PDE9A: variants seen among roughly 807,000 people sequenced by gnomAD.
The protein encoded by PDE9A is high affinity cGMP-specific 3',5'-cyclic phosphodiesterase 9A.
A neutral mutation model predicts 87.4 loss-of-function variants in PDE9A; 60 were observed. The observed-to-expected ratio is 0.69, with a 90% CI of 0.56 to 0.85. The LOEUF (loss-of-function observed/expected upper bound fraction) is 0.85. Among genes scored for constraint, PDE9A ranks in the 40% least tolerant of loss-of-function variants. PDE9A has a pLI of 0.00. For synonymous variants in PDE9A, 272 were observed against 279.4 expected (o/e 0.97, Z 0.27); for missense variants, 665 against 779.0 (o/e 0.85, Z 1.74).
At chr21:42,732,784 C>T (rs1483374843) in intron 6 of PDE9A, among the ~76,000 whole-genome samples, 2 of 152,160 alleles carry the variant, frequency 1.3e-5, no homozygotes, top group African/African-American at 2.4e-5. Context: ...CGTGGTGGCA[C>T]ATGCCTGTAA....
intron 8 of PDE9A, among the ~76,000 whole-genome samples, chr21:42,747,335 C>T (rs980513168): frequency 3.3e-5 from 5 of 152,100 alleles, no homozygotes; most frequent in East Asian, 3.9e-4. Flanking sequence ...GGGGCCTTCC[C>T]GAGATGGCAG....
chr21:42,764,194 G>A (rs766260280), intron 14 of PDE9A, among the ~76,000 whole-genome samples: 19 of 152,228 alleles, frequency 1.2e-4, no homozygotes, highest in Non-Finnish European at 2.2e-4. Context: ...CGGCGGCAGC[G>A]CTCTCGGGCC....
intron 7 of PDE9A, among the ~76,000 whole-genome samples, chr21:42,740,704 G>GTATAGA: frequency 7.5e-6 from 1 of 133,442 alleles, no homozygotes; most frequent in East Asian, 2.2e-4. Context: ...TAGGTAGGTA[G>GTATAGA]TAGATAGATA....
chr21:42,685,160 C>T (rs1049626480), intron 1 of PDE9A, among the ~76,000 whole-genome samples: 5 of 152,222 alleles, frequency 3.3e-5, no homozygotes, highest in Non-Finnish European at 7.3e-5. Flanking sequence ...TGGCCCGTTC[C>T]GCGCTCTGTC....
At chr21:42,733,480 A>T in intron 7 of PDE9A, 54 bp downstream of exon 7, 3 of 1,018,048 alleles carry the variant, frequency 2.9e-6, no homozygotes, top group Non-Finnish European at 4.7e-6. Context: ...CCTCTATTCA[A>T]ATTAACCACT....
At position 42,658,593 on chromosome 21, in the gene PDE9A, C is replaced by T. The variant is rs549830550; in HGVS notation, c.69+4710C>T. On this transcript the variant is annotated intron_variant, in intron 1 of 19. Coordinates refer to ENST00000291539, the MANE Select transcript of PDE9A (RefSeq NM_002606.3). ...TCAGCCCACACGCGCAGTGCCCTTTCCTGTGGCTGCAGGCATCTCTGCTCA... is the reference window on the plus strand; with the variant it reads ...TCAGCCCACACGCGCAGTGCCCTTTTCTGTGGCTGCAGGCATCTCTGCTCA... Among the ~76,000 whole-genome samples the T allele has an allele frequency of 3.9e-5, 6 of 152,336 alleles. No individual in the cohort carries two copies. The South Asian group carries it at 1.0e-3, about 26-fold the overall frequency.
rs1171184372 is a variant in PDE9A at position 42,705,979 on chromosome 21, G to A, written c.262+6968G>A. Among the ~76,000 whole-genome samples, 1 of 152,238 alleles carries A rather than the reference G, an allele frequency of 6.6e-6. No homozygotes were observed. The highest frequency in any genetic ancestry group is 1.9e-4 in the East Asian group (1 of 5,192). ...ATTGGCGTTGCTGTTTCCATAGAAGGACAATAAAAGGGGGCCATAAGGAGG... is the reference window on the plus strand; with the variant it reads ...ATTGGCGTTGCTGTTTCCATAGAAGAACAATAAAAGGGGGCCATAAGGAGG... On this transcript the variant is annotated intron_variant, in intron 4 of 19. Coordinates refer to ENST00000291539, the MANE Select transcript of PDE9A (RefSeq NM_002606.3). This position sits in a 1 kb window ranked among gnomAD's most constrained non-coding sequence, Gnocchi z 4.3.
chr21:42,723,221 C>T lies in PDE9A; in HGVS notation c.263-8549C>T, dbSNP rs2050709471. Among the ~76,000 whole-genome samples, 1 of 152,262 alleles carries T rather than the reference C, an allele frequency of 6.6e-6. No individual in the cohort carries two copies. The highest frequency in any genetic ancestry group is 2.4e-5 in the African/African-American group (1 of 41,476). On this transcript the variant is annotated intron_variant, in intron 4 of 19. Coordinates refer to ENST00000291539, the MANE Select transcript of PDE9A (RefSeq NM_002606.3). The surrounding 1 kb of genome is among the most constrained non-coding windows in gnomAD (Gnocchi z 4.3). ...GCCCCTCTGCTGCAAACCCATGGCC[C>T]AAAGCGGACCTGATCCGGCAGCATC...
intron 1 of PDE9A, among the ~76,000 whole-genome samples, chr21:42,677,488 T>A (rs756575): frequency 6.6e-6 from 1 of 152,214 alleles, no homozygotes; most frequent in African/African-American, 2.4e-5. Context: ...CAGCCAGCCT[T>A]GCAGAGAGGG....
At chr21:42,691,595 A>G (rs1219839594) in intron 3 of PDE9A, among the ~76,000 whole-genome samples, 2 of 150,322 alleles carry the variant, frequency 1.3e-5, no homozygotes, top group South Asian at 2.1e-4. Context: ...ACACATCACC[A>G]TCACCATCCA....
chr21:42,765,003 A>ATGGG (rs139218223), intron 14 of PDE9A, among the ~76,000 whole-genome samples: 1 of 138,848 alleles, frequency 7.2e-6, no homozygotes, highest in East Asian at 2.1e-4. Context: ...GGATGGATGG[A>ATGGG]TGGATGGATG....
At chr21:42,706,156 T>C (rs1165486753) in intron 4 of PDE9A, among the ~76,000 whole-genome samples, 3 of 151,998 alleles carry the variant, frequency 2.0e-5, no homozygotes, top group Non-Finnish European at 4.4e-5. Flanking sequence ...CACATGAGAG[T>C]TCCCCCAGGT....
At chr21:42,732,220 G>A in intron 6 of PDE9A, 96 bp downstream of exon 6, 3 of 1,206,240 alleles carry the variant, frequency 2.5e-6, no homozygotes, top group Non-Finnish European at 2.4e-6. Context: ...GCCTTGGCCG[G>A]CAAGCGTGGC....
chr21:42,682,043 C>T (rs978309866), intron 1 of PDE9A, among the ~76,000 whole-genome samples: 2 of 152,236 alleles, frequency 1.3e-5, no homozygotes, highest in South Asian at 4.1e-4. Flanking sequence ...TCCAAGCCCC[C>T]ATCCCTAGGG....
At position 42,731,816 on chromosome 21, in the gene PDE9A, G is replaced by A. The variant is rs758518427; in HGVS notation, c.309G>A (p.Glu103=). Residue 103 remains glutamate, a synonymous_variant, in exon 5 of 20, where the codon GAG becomes GAA. Transcript: ENST00000291539. The part of the protein sequence containing the change: ...KRTTSRGQSA[E]RPLRDRRVVG... Reference sequence around the variant, plus strand: ...CCACAAGCCGTGGCCAGTCTGCTGAGAGACCACTGAGGGACAGACGGGTTG... The same window carrying A: ...CCACAAGCCGTGGCCAGTCTGCTGAAAGACCACTGAGGGACAGACGGGTTG... 1.4e-5 allele frequency: 23 copies of A among 1,614,128 alleles called. No individual in the cohort carries two copies. Among genetic ancestry groups the A allele is most frequent in the East Asian group, 4.5e-5 (2 of 44,892 alleles).
chr21:42,662,807 A>AAG (rs2057647003), intron 1 of PDE9A, among the ~76,000 whole-genome samples: 1 of 130,434 alleles, frequency 7.7e-6, no homozygotes, highest in East Asian at 3.8e-4. Flanking sequence ...CACACACACC[A>AAG]CACACACGCA....
At chr21:42,685,530 G>A (rs2059413562) in intron 1 of PDE9A, among the ~76,000 whole-genome samples, 1 of 145,856 alleles carries the variant, frequency 6.9e-6, no homozygotes, top group African/African-American at 2.6e-5. Context: ...GCAATGGTGC[G>A]ATCTCGGTTC....
Position 42,714,931 on chromosome 21 carries a change from G to T in PDE9A, c.262+15920G>T, listed in dbSNP as rs568593576. Among the ~76,000 whole-genome samples, 16 of 150,842 alleles carry T rather than the reference G, an allele frequency of 1.1e-4. 1 individual carries two copies. The highest frequency in any genetic ancestry group is 3.6e-4 in the African/African-American group (15 of 41,210). On this transcript the variant is annotated intron_variant, in intron 4 of 19. Transcript: ENST00000291539. ...GTCTTTGTTGATATGGTTGGGGTTAGCTCTACCTGTCTTTGTTCATATGGT... is the reference window on the plus strand; with the variant it reads ...GTCTTTGTTGATATGGTTGGGGTTATCTCTACCTGTCTTTGTTCATATGGT...
At position 42,661,834 on chromosome 21, in the gene PDE9A, T is replaced by C. The variant is rs139078789; in HGVS notation, c.69+7951T>C. On this transcript the variant is annotated intron_variant, in intron 1 of 19. Transcript: ENST00000291539. ...CGAAGCTGTGTGCATGTCTGTGGTG[T>C]AGCCTGTGTACAGCCTGTGATGCGT... Among the ~76,000 whole-genome samples, 84 of 152,354 alleles carry C rather than the reference T, an allele frequency of 5.5e-4. 1 individual carries two copies. In the East Asian group the frequency reaches 0.016, roughly 29 times the overall value.
Sources: allele counts gnomAD v4.1 joint callset (sites outside exome capture counted in the v4.1 genomes callset), GRCh38; gene constraint gnomAD v4.1.1; non-coding constraint Gnocchi (gnomAD v3.1); transcripts MANE v1.5; gene names NCBI Gene and HGNC (gene_info 2026-07-23, HGNC 2026-07-21).